DOK6: variants seen among roughly 807,000 people sequenced by gnomAD.
The protein encoded by DOK6 is docking protein 6, also known as downstream of tyrosine kinase 6.
Under a neutral mutation model 44.0 loss-of-function variants are expected in DOK6, and 22 were observed. The ratio of observed to expected loss-of-function variants is 0.50; its 90% CI spans 0.36 to 0.71. The LOEUF is 0.71. Among genes scored for constraint, DOK6 ranks in the 30% least tolerant of loss-of-function variants. The pLI, the probability that DOK6 is intolerant of heterozygous loss-of-function variation, is 0.00. For synonymous variants in DOK6, 166 were observed against 145.5 expected (o/e 1.14, Z -1.01); for missense variants, 340 against 416.4 (o/e 0.82, Z 1.60).
intron 2 of DOK6, among the ~76,000 whole-genome samples, chr18:69,565,460 A>G (rs1038685122): frequency 1.9e-4 from 29 of 150,846 alleles, no homozygotes; most frequent in African/African-American, 7.1e-4. Flanking sequence ...TCTAGGAACC[A>G]TCTTCTGTCT....
chr18:69,593,283 G>T (rs1465035699), intron 2 of DOK6, among the ~76,000 whole-genome samples: 1 of 151,828 alleles, frequency 6.6e-6, no homozygotes, highest in African/African-American at 2.4e-5. Context: ...GAAGCAAGAG[G>T]ATTGCTTGAA....
chr18:69,810,501 A>G (rs1981191192), intron 7 of DOK6, among the ~76,000 whole-genome samples: 1 of 152,098 alleles, frequency 6.6e-6, no homozygotes, highest in Non-Finnish European at 1.5e-5. Flanking sequence ...TCTGTACAGC[A>G]AAGGAAACAA....
chr18:69,553,883 C>T (rs911192104), intron 1 of DOK6, among the ~76,000 whole-genome samples: 1 of 152,188 alleles, frequency 6.6e-6, no homozygotes, highest in African/African-American at 2.4e-5. Flanking sequence ...TCCACCTGCT[C>T]CTTTACAAAT....
chr18:69,553,981 G>A (rs1488347645), intron 1 of DOK6, among the ~76,000 whole-genome samples: 2 of 152,048 alleles, frequency 1.3e-5, no homozygotes, highest in Admixed American at 6.6e-5. Flanking sequence ...TCCTAGCAAA[G>A]GATCAATTCT....
At chr18:69,740,156 A>G (rs556235322) in intron 6 of DOK6, among the ~76,000 whole-genome samples, 1 of 152,298 alleles carries the variant, frequency 6.6e-6, no homozygotes, top group African/African-American at 2.4e-5. Flanking sequence ...TGGAAATGAA[A>G]GAGTAGCTTC....
At chr18:69,612,465 A>G (rs76006133) in intron 3 of DOK6, among the ~76,000 whole-genome samples, 15,269 of 61,392 alleles carry the variant, frequency 0.25, 3,630 homozygotes, top group Middle Eastern at 0.51. Context: ...GAGCGTGCAT[A>G]TGTATTTCTT....
intron 6 of DOK6, among the ~76,000 whole-genome samples, chr18:69,747,376 G>GA (rs1979019527): frequency 6.6e-6 from 1 of 152,148 alleles, no homozygotes. Context: ...ACAGGGGGAA[G>GA]AAAAGCCTCA....
intron 3 of DOK6, among the ~76,000 whole-genome samples, chr18:69,611,230 C>T (rs971667803): frequency 6.6e-5 from 10 of 152,054 alleles, no homozygotes; most frequent in African/African-American, 2.2e-4. Flanking sequence ...TCAGGAAATG[C>T]AAATTAAAAC....
intron 1 of DOK6, among the ~76,000 whole-genome samples, chr18:69,529,585 C>T (rs1206539649): frequency 1.3e-5 from 2 of 152,292 alleles, no homozygotes; most frequent in African/African-American, 4.8e-5. Flanking sequence ...AATGGGCACT[C>T]CATAACATAA....
intron 5 of DOK6, among the ~76,000 whole-genome samples, chr18:69,721,861 T>G (rs867374961): frequency 1.3e-5 from 2 of 152,222 alleles, no homozygotes; most frequent in African/African-American, 4.8e-5. Flanking sequence ...TTAAATAGAA[T>G]GAAGCTAAAG....
Position 69,848,850 on chromosome 18 carries a change from G to A in DOK6, c.*7467G>A, listed in dbSNP as rs1235752229. 6.6e-6 allele frequency: 1 copy of A among 152,146 alleles called. No homozygotes were observed. Among genetic ancestry groups the A allele is most frequent in the Non-Finnish European group, 1.5e-5 (1 of 68,016 alleles). The allele number at this position is 152,146 out of a possible 1,614,324, so 9.4% of individuals were successfully genotyped here. A position where few individuals can be genotyped will look rare whatever the true frequency, so the allele number is the denominator to read the frequency against. On this transcript the variant is annotated 3_prime_UTR_variant, in exon 8 of 8. Transcript: ENST00000382713. ...ACTACTTTACATCACAACTTTGCATGGCTGAGATTTTGAACAACTAAATTG... is the reference window on the plus strand; with the variant it reads ...ACTACTTTACATCACAACTTTGCATAGCTGAGATTTTGAACAACTAAATTG...
rs1277935579 is a variant in DOK6, at chr18:69,759,449, G to A, written c.856+1576G>A. On this transcript the variant is annotated intron_variant, in intron 7 of 7. Coordinates refer to ENST00000382713, the MANE Select transcript of DOK6 (RefSeq NM_152721.6). ...TCAGATTTCTAAGCAATAAAAGTGA[G>A]ATATTAGTGCTCTTAATACAAAAAA... Among the ~76,000 whole-genome samples the A allele has an allele frequency of 2.0e-5, 3 of 152,144 alleles. No homozygotes were observed. In the East Asian group the frequency reaches 5.8e-4, roughly 29 times the overall value.
intron 1 of DOK6, among the ~76,000 whole-genome samples, chr18:69,536,979 C>T (rs11659349): frequency 0.12 from 17,034 of 144,816 alleles, 1,362 homozygotes; most frequent in South Asian, 0.3. Flanking sequence ...GAAGATTTAT[C>T]ATTATTATTA....
intron 1 of DOK6, among the ~76,000 whole-genome samples, chr18:69,517,173 C>A (rs1469270716): frequency 6.6e-6 from 1 of 151,992 alleles, no homozygotes; most frequent in East Asian, 1.9e-4. Context: ...CTCTGAAGAC[C>A]CCTAAGTCAG....
intron 1 of DOK6, among the ~76,000 whole-genome samples, chr18:69,512,454 C>T (rs536465086): frequency 4.0e-5 from 6 of 150,644 alleles, no homozygotes; most frequent in African/African-American, 1.5e-4. Flanking sequence ...TGCAATTCTC[C>T]TACCTCAGCC....
intron 7 of DOK6, among the ~76,000 whole-genome samples, chr18:69,837,059 A>C (rs900244584): frequency 5.9e-5 from 9 of 152,208 alleles, no homozygotes; most frequent in African/African-American, 2.2e-4. Context: ...TTAGACTAGA[A>C]ATTCTTCACA....
intron 1 of DOK6, among the ~76,000 whole-genome samples, chr18:69,408,264 C>A (rs1978292626): frequency 1.3e-5 from 2 of 152,130 alleles, no homozygotes; most frequent in South Asian, 4.1e-4. Flanking sequence ...AAAGCTGATA[C>A]AATCATTCAC....
At chr18:69,792,289 C>T (rs775359455) in intron 7 of DOK6, among the ~76,000 whole-genome samples, 18 of 151,866 alleles carry the variant, frequency 1.2e-4, no homozygotes, top group African/African-American at 2.2e-4. Flanking sequence ...AGAATGTTAT[C>T]GGTATTTTTG....
At chr18:69,674,726 C>T (rs1270956189) in intron 3 of DOK6, among the ~76,000 whole-genome samples, 2 of 152,208 alleles carry the variant, frequency 1.3e-5, no homozygotes, top group East Asian at 3.9e-4. Flanking sequence ...TACTTTCACT[C>T]TGCTGAGCCT....
Sources: gnomAD v4.1 joint callset for allele counts (sites outside exome capture counted in the v4.1 genomes callset) on GRCh38, gnomAD v4.1.1 for gene constraint, MANE v1.5 for transcripts, NCBI Gene and HGNC (gene_info 2026-07-23, HGNC 2026-07-21) for gene names.